The following ULK4 variants were observed in gnomAD, a reference collection of about 807,000 sequenced individuals.
The protein encoded by ULK4 is unc-51 like kinase 4.
ULK4 carries 133 observed loss-of-function variants against 160.6 expected under a neutral mutation model. That is an observed-to-expected ratio of 0.83 (90% CI 0.72 to 0.96). The LOEUF (loss-of-function observed/expected upper bound fraction) is 0.96. Ranked by LOEUF, ULK4 falls within the 40% of genes least tolerant of loss-of-function variation. The pLI, the probability that ULK4 is intolerant of heterozygous loss-of-function variation, is 0.00. For missense variants in ULK4, 1,580 were observed against 1,499.5 expected (o/e 1.05, Z -0.89); for synonymous variants, 534 against 539.8 (o/e 0.99, Z 0.15).
intron 32 of ULK4, among the ~76,000 whole-genome samples, chr3:41,489,431 C>T (rs116671269): frequency 1.3e-3 from 201 of 152,254 alleles, no homozygotes; most frequent in Middle Eastern, 3.4e-3. Flanking sequence ...TAGAGGGCAG[C>T]GTGTGATGTA....
chr3:41,529,239 C>T (rs2086220130), intron 32 of ULK4, among the ~76,000 whole-genome samples: 1 of 152,100 alleles, frequency 6.6e-6, no homozygotes, highest in Non-Finnish European at 1.5e-5. Flanking sequence ...CACACATTTC[C>T]ATGATTCATT....
chr3:41,931,742 T>C, intron 5 of ULK4, 102 bp downstream of exon 5: 1 of 1,398,012 alleles, frequency 7.2e-7, no homozygotes, highest in Non-Finnish European at 9.9e-7. Context: ...TTCAATATCT[T>C]ATTTGAGTGG....
At chr3:41,662,840 T>C (rs1254297507) in intron 30 of ULK4, among the ~76,000 whole-genome samples, 1 of 152,016 alleles carries the variant, frequency 6.6e-6, no homozygotes, top group Non-Finnish European at 1.5e-5. Flanking sequence ...TCCCAGCAAC[T>C]AGTTCTAAAG....
At chr3:41,424,831 CAAAA>C (rs36097613) in intron 34 of ULK4, among the ~76,000 whole-genome samples, 10 of 62,396 alleles carry the variant, frequency 1.6e-4, no homozygotes, top group African/African-American at 5.2e-4. Flanking sequence ...AAGAAATCAT[CAAAA>C]AAAAAAAAAA....
At chr3:41,928,726 C>T (rs1699477193) in intron 5 of ULK4, among the ~76,000 whole-genome samples, 1 of 152,062 alleles carries the variant, frequency 6.6e-6, no homozygotes, top group African/African-American at 2.4e-5. Context: ...CACAAATAAA[C>T]TAGAAAATCT....
intron 17 of ULK4, among the ~76,000 whole-genome samples, chr3:41,857,492 T>C (rs1488304679): frequency 1.3e-5 from 2 of 152,188 alleles, no homozygotes; most frequent in Non-Finnish European, 2.9e-5. Flanking sequence ...CTCGTCTTAT[T>C]TTATTTATGT....
At chr3:41,292,511 T>G (rs1362619206) in intron 35 of ULK4, among the ~76,000 whole-genome samples, 1 of 152,140 alleles carries the variant, frequency 6.6e-6, no homozygotes, top group Admixed American at 6.5e-5. Flanking sequence ...CTGGGTGTGG[T>G]GGCAGGCACC....
chr3:41,769,175 T>C (rs1330602120), intron 21 of ULK4, among the ~76,000 whole-genome samples: 2 of 152,234 alleles, frequency 1.3e-5, no homozygotes, highest in Non-Finnish European at 2.9e-5. Context: ...ATTTTAGATC[T>C]AAGCCTAAAA....
At chr3:41,589,207 C>T (rs1039181388) in intron 31 of ULK4, among the ~76,000 whole-genome samples, 44 of 151,950 alleles carry the variant, frequency 2.9e-4, no homozygotes, top group South Asian at 8.4e-4. Context: ...AGGTGTTCTA[C>T]TATGAGGCAG....
At chr3:41,934,125 T>C (rs576315477) in intron 4 of ULK4, among the ~76,000 whole-genome samples, 2 of 152,328 alleles carry the variant, frequency 1.3e-5, no homozygotes, top group African/African-American at 4.8e-5. Context: ...ATAATATTTC[T>C]AGACATGTAA....
rs192609343 is a variant in ULK4 at position 41,702,349 on chromosome 3, T to C, written c.2781+2708A>G. 7.8e-4 allele frequency among the ~76,000 whole-genome samples: 119 copies of C among 152,246 alleles called. 1 individual carries two copies. The highest frequency in any genetic ancestry group is 3.4e-3 in the Middle Eastern group (1 of 294). ...TAGTAGAGATGGGATTTCACTATGT[T>C]GGCCAGGCTGGTCTTGAACTCCCAA... On this transcript the variant is annotated intron_variant, in intron 27 of 36. Transcript: ENST00000301831.
At chr3:41,871,743 T>TA (rs1697103136) in intron 17 of ULK4, among the ~76,000 whole-genome samples, 1 of 152,266 alleles carries the variant, frequency 6.6e-6, no homozygotes, top group South Asian at 2.1e-4. Context: ...CTTCGTCAGA[T>TA]ATGTAGCTTG....
chr3:41,255,767 A>G (rs1224140912), intron 35 of ULK4, among the ~76,000 whole-genome samples: 1 of 152,230 alleles, frequency 6.6e-6, no homozygotes, highest in African/African-American at 2.4e-5. Context: ...AATTACATAA[A>G]TCCACAATCA....
At chr3:41,410,402 C>T (rs927922268) in intron 34 of ULK4, among the ~76,000 whole-genome samples, 1 of 152,024 alleles carries the variant, frequency 6.6e-6, no homozygotes, top group Non-Finnish European at 1.5e-5. Context: ...TGAAAACATA[C>T]AGCTAAGAGA....
At chr3:41,931,570 T>C (rs1716992) in intron 5 of ULK4, among the ~76,000 whole-genome samples, 140,252 of 152,076 alleles carry the variant, frequency 0.92, 65,664 homozygotes, top group East Asian at 1. Context: ...CACCATTCCC[T>C]TCCTATGTGC....
chr3:41,559,638 A>AT (rs1480951364), intron 32 of ULK4, among the ~76,000 whole-genome samples: 1 of 152,050 alleles, frequency 6.6e-6, no homozygotes, highest in Non-Finnish European at 1.5e-5. Flanking sequence ...GATGATGAGC[A>AT]TTTTGTCATG....
chr3:41,425,665 A>C (rs953806803), intron 34 of ULK4, among the ~76,000 whole-genome samples: 1 of 152,148 alleles, frequency 6.6e-6, no homozygotes, highest in Non-Finnish European at 1.5e-5. Flanking sequence ...CCAGAATTTC[A>C]TATCTGGCCA....
At chr3:41,361,877 G>C (rs1314941793) in intron 35 of ULK4, among the ~76,000 whole-genome samples, 3 of 152,280 alleles carry the variant, frequency 2.0e-5, no homozygotes, top group East Asian at 3.9e-4. Context: ...TATGAAGTAA[G>C]AGCTTCAGCA....
chr3:41,564,921 A>G (rs1482869566), intron 32 of ULK4, among the ~76,000 whole-genome samples: 2 of 152,138 alleles, frequency 1.3e-5, no homozygotes, highest in Non-Finnish European at 2.9e-5. Flanking sequence ...ATCCATATTA[A>G]GTGCCCTATA....
Sources: gnomAD v4.1 joint callset for allele counts (sites outside exome capture counted in the v4.1 genomes callset) on GRCh38, gnomAD v4.1.1 for gene constraint, MANE v1.5 for transcripts, NCBI Gene and HGNC (gene_info 2026-07-23, HGNC 2026-07-21) for gene names.